GBA1: variants seen among roughly 807,000 people sequenced by gnomAD.
The protein encoded by GBA1 is glucosylceramidase beta 1, also known as lysosomal acid glucosylceramidase.
At chr1:155,242,137 G>T in the GBA1 span, among the ~76,000 whole-genome samples, 1 of 152,222 alleles carries the variant, frequency 6.6e-6, no homozygotes, top group African/African-American at 2.4e-5. Flanking sequence ...CAACCTCAAA[G>T]GGTGGTTACT....
At chr1:155,237,592 G>A in the GBA1 span, 3 of 1,613,022 alleles carry the variant, frequency 1.9e-6, no homozygotes, top group East Asian at 4.5e-5. Flanking sequence ...GCAAGAGAAA[G>A]GTCATGAATG....
At chr1:155,239,485 C>G in the GBA1 span, 20 of 981,718 alleles carry the variant, frequency 2.0e-5, no homozygotes, top group Non-Finnish European at 2.8e-5. Flanking sequence ...GAGGGGAGAT[C>G]ACACCACTGC....
the GBA1 span, chr1:155,237,400 T>C: frequency 6.2e-7 from 1 of 1,613,864 alleles, no homozygotes; most frequent in Non-Finnish European, 8.5e-7. Flanking sequence ...AGGCGGACAT[T>C]GTGGTGAGTA....
the GBA1 span, among the ~76,000 whole-genome samples, chr1:155,237,775 G>A: frequency 3.9e-5 from 6 of 152,106 alleles, no homozygotes; most frequent in Admixed American, 1.3e-4. Context: ...GGTGGCAGGC[G>A]CCTATAATCC....
the GBA1 span, among the ~76,000 whole-genome samples, chr1:155,239,053 CTA>C: frequency 6.6e-6 from 1 of 151,762 alleles, no homozygotes; most frequent in Admixed American, 6.6e-5. Context: ...CCTGTCTCTA[CTA>C]AAAATACAAA....
chr1:155,235,254 G>A, the GBA1 span: 1 of 1,613,844 alleles, frequency 6.2e-7, no homozygotes, highest in East Asian at 2.2e-5. Flanking sequence ...CTGCGTCCAG[G>A]TCGTTCTTCT....
the GBA1 span, chr1:155,236,579 G>A: frequency 5.7e-6 from 5 of 875,212 alleles, no homozygotes; most frequent in Non-Finnish European, 9.4e-6. Context: ...CAACTAGAGA[G>A]GTTTGGGGAG....
chr1:155,239,089 G>A, the GBA1 span, among the ~76,000 whole-genome samples: 4 of 151,664 alleles, frequency 2.6e-5, no homozygotes, highest in African/African-American at 9.7e-5. Flanking sequence ...GTGGTGGCAG[G>A]CACCTGTAAT....
the GBA1 span, chr1:155,239,728 G>T: frequency 1.2e-6 from 2 of 1,614,020 alleles, no homozygotes; most frequent in Non-Finnish European, 1.7e-6. Context: ...TCACTTTCTG[G>T]AACTTCTGTT....
the GBA1 span, among the ~76,000 whole-genome samples, chr1:155,243,104 CAT>C: frequency 3.3e-5 from 5 of 152,228 alleles, no homozygotes; most frequent in African/African-American, 1.2e-4. Context: ...AACATTGCAA[CAT>C]GTCAGGCCTC....
the GBA1 span, chr1:155,236,605 T>A: frequency 1.4e-6 from 1 of 738,088 alleles, no homozygotes; most frequent in South Asian, 1.5e-5. Context: ...TTTTTGTTTT[T>A]GAGACAGGAT....
chr1:155,237,382 G>A, the GBA1 span: 1 of 1,614,022 alleles, frequency 6.2e-7, no homozygotes. Context: ...TGGTCATCCA[G>A]CATGAGTAGG....
At chr1:155,240,683 A>G in the GBA1 span, 1 of 1,613,786 alleles carries the variant, frequency 6.2e-7, no homozygotes, top group Non-Finnish European at 8.5e-7. Context: ...GCTGCCAGCC[A>G]TGATGCTTAC....
the GBA1 span, chr1:155,235,512 G>C: frequency 9.4e-7 from 1 of 1,059,760 alleles, no homozygotes. Context: ...GTTTTCTGTT[G>C]CTACCTAGTC....
At chr1:155,240,009 A>G in the GBA1 span, 1 of 1,614,032 alleles carries the variant, frequency 6.2e-7, no homozygotes. Context: ...AAGGAGTCAC[A>G]GTATGTGGCA....
chr1:155,240,273 T>G, the GBA1 span: 1 of 613,712 alleles, frequency 1.6e-6, no homozygotes, highest in South Asian at 2.0e-5. Context: ...AGACCTGCCT[T>G]GCCAGCATGG....
At chr1:155,239,530 A>G in the GBA1 span, 3 of 1,447,846 alleles carry the variant, frequency 2.1e-6, no homozygotes, top group Non-Finnish European at 9.6e-7. Context: ...GCAGAGTGAG[A>G]TTCTGCCTCA....
chr1:155,239,716 C>G, the GBA1 span: 1 of 1,614,118 alleles, frequency 6.2e-7, no homozygotes, highest in Non-Finnish European at 8.5e-7. Flanking sequence ...CTCCAAATCC[C>G]TTCACTTTCT....
At chr1:155,239,551 AAAAAAAGAAAAG>A in the GBA1 span, 162 of 1,583,318 alleles carry the variant, frequency 1.0e-4, 1 homozygote, top group East Asian at 3.7e-3. Flanking sequence ...AAAAAATTTT[AAAAAAAGAAAAG>A]AAAAACGAAA....
Sources: gnomAD v4.1 joint callset for allele counts (sites outside exome capture counted in the v4.1 genomes callset) on GRCh38, gnomAD v4.1.1 for gene constraint, MANE v1.5 for transcripts, NCBI Gene and HGNC (gene_info 2026-07-23, HGNC 2026-07-21) for gene names.